The following SLCO6A1 variants were observed in gnomAD, a reference collection of about 807,000 sequenced individuals.
SLCO6A1 encodes solute carrier organic anion transporter family member 6A1.
In SLCO6A1, 65 loss-of-function variants were observed where a neutral mutation model predicts 72.7. The ratio of observed to expected loss-of-function variants is 0.89; its 90% confidence interval spans 0.73 to 1.10. SLCO6A1 has a LOEUF of 1.10. SLCO6A1 is among the 50% of genes least tolerant of loss of function. The probability of loss-of-function intolerance (pLI) is 0.00; values close to 1 mark genes in which losing one functional copy is unlikely to be tolerated. For synonymous variants in SLCO6A1, 314 were observed against 298.2 expected, an observed-to-expected ratio of 1.05 and a Z score of -0.55; for missense variants, 874 against 872.6, an observed-to-expected ratio of 1.00 and a Z score of -0.02.
Position 102,498,703 on chromosome 5 carries a change from G to T in SLCO6A1, c.142C>A (p.His48Asn). ...TPKSSKPGKKHRYLRLLPEAL... is the reference protein window; with the variant it reads ...TPKSSKPGKKNRYLRLLPEAL... ...TCTGGAAGTAGTCTCAGATACCGGT[G>T]TTTTTTCCCGGGCTTCGAGGACTTC... is the stretch of plus-strand genomic sequence containing the variant. Residue 48 changes from histidine to asparagine, a missense_variant, in exon 1 of 14, where the codon CAC becomes AAC. By Grantham distance (68) the His-to-Asn change is moderately conservative. Transcript: ENST00000506729. 6.2e-7 allele frequency: 1 copy of T among 1,614,152 alleles called. No individual in the cohort carries two copies. The highest frequency in any genetic ancestry group is 8.5e-7 in the Non-Finnish European group (1 of 1,180,032).
intron 4 of SLCO6A1, among the ~76,000 whole-genome samples, chr5:102,466,389 G>T (rs1051602667): frequency 2.6e-5 from 4 of 151,938 alleles, no homozygotes; most frequent in Non-Finnish European, 4.4e-5. Context: ...GTATTCCCTG[G>T]TGTATATTTA....
intron 10 of SLCO6A1, among the ~76,000 whole-genome samples, chr5:102,394,057 A>G (rs551385905): frequency 4.6e-5 from 7 of 152,274 alleles, no homozygotes; most frequent in Non-Finnish European, 8.8e-5. Context: ...GCGTGCATCA[A>G]GAATTTGGCA....
chr5:102,450,694 C>T (rs1324188171), intron 6 of SLCO6A1, among the ~76,000 whole-genome samples: 1 of 152,138 alleles, frequency 6.6e-6, no homozygotes, highest in African/African-American at 2.4e-5. Flanking sequence ...TGGCAGAGGG[C>T]CTTTCACTAA....
At chr5:102,436,776 AACT>A (rs922124800) in intron 7 of SLCO6A1, among the ~76,000 whole-genome samples, 2 of 152,190 alleles carry the variant, frequency 1.3e-5, no homozygotes, top group African/African-American at 2.4e-5. Context: ...TTTGAAAAGC[AACT>A]ACTAGCTTAC....
chr5:102,445,851 T>C (rs1036684385), intron 6 of SLCO6A1, among the ~76,000 whole-genome samples: 1 of 152,144 alleles, frequency 6.6e-6, no homozygotes, highest in Non-Finnish European at 1.5e-5. Context: ...TTGTTTTTGG[T>C]GGCTTTGTTG....
At chr5:102,435,526 G>A (rs1462326097) in intron 7 of SLCO6A1, among the ~76,000 whole-genome samples, 1 of 152,130 alleles carries the variant, frequency 6.6e-6, no homozygotes, top group Non-Finnish European at 1.5e-5. Context: ...ATATAAGGTA[G>A]CAGGGGTACT....
chr5:102,448,751 C>A (rs1750254197), intron 6 of SLCO6A1, among the ~76,000 whole-genome samples: 1 of 152,066 alleles, frequency 6.6e-6, no homozygotes, highest in African/African-American at 2.4e-5. Flanking sequence ...TTACTTTAAG[C>A]CTATGGGTGT....
chr5:102,457,025 G>T (rs967241303), intron 6 of SLCO6A1, among the ~76,000 whole-genome samples: 4 of 152,150 alleles, frequency 2.6e-5, no homozygotes, highest in African/African-American at 9.7e-5. Context: ...TTAATAAATG[G>T]TGCTGGGAAA....
At chr5:102,384,650 C>G (rs766201473) in intron 12 of SLCO6A1, among the ~76,000 whole-genome samples, 2 of 152,038 alleles carry the variant, frequency 1.3e-5, no homozygotes, top group Non-Finnish European at 2.9e-5. Context: ...TCTCTTCATC[C>G]CACATTTACT....
At chr5:102,405,607 C>G (rs1747628045) in intron 9 of SLCO6A1, among the ~76,000 whole-genome samples, 1 of 151,794 alleles carries the variant, frequency 6.6e-6, no homozygotes, top group South Asian at 2.1e-4. Flanking sequence ...GAAGGCAAGA[C>G]AAAGATATTT....
At chr5:102,394,048 C>T (rs1034127454) in intron 10 of SLCO6A1, among the ~76,000 whole-genome samples, 3 of 152,144 alleles carry the variant, frequency 2.0e-5, no homozygotes, top group Non-Finnish European at 2.9e-5. Flanking sequence ...CAGCATCTAG[C>T]GTGCATCAAG....
At chr5:102,374,002 TTTAA>T (rs1012403970) in intron 12 of SLCO6A1, among the ~76,000 whole-genome samples, 3 of 151,886 alleles carry the variant, frequency 2.0e-5, no homozygotes, top group Non-Finnish European at 4.4e-5. Context: ...GGATGCAATA[TTTAA>T]TTAATTCTTT....
At chr5:102,380,885 A>T (rs1746065973) in intron 12 of SLCO6A1, among the ~76,000 whole-genome samples, 1 of 151,946 alleles carries the variant, frequency 6.6e-6, no homozygotes, top group Admixed American at 6.6e-5. Context: ...TCACCTGAGT[A>T]CTTTATTTAG....
intron 6 of SLCO6A1, among the ~76,000 whole-genome samples, chr5:102,443,002 T>C (rs760655722): frequency 6.6e-6 from 1 of 152,044 alleles, no homozygotes; most frequent in Non-Finnish European, 1.5e-5. Context: ...TCAAGACCAT[T>C]CTGGCTAACA....
In SLCO6A1 at chr5:102,463,309, T is replaced by C. The variant is rs546332620; in HGVS notation, c.900-3532A>G. ...GGATGTGGTGAGAAGGGAATACTTTTACACTGCTGGTGGAAATGTAAACTA... is the reference window on the plus strand; with the variant it reads ...GGATGTGGTGAGAAGGGAATACTTTCACACTGCTGGTGGAAATGTAAACTA... On this transcript the variant is annotated intron_variant, in intron 4 of 13. Coordinates refer to ENST00000506729, the MANE Select transcript of SLCO6A1 (RefSeq NM_173488.5). 1.8e-4 allele frequency among the ~76,000 whole-genome samples: 28 copies of C among 152,312 alleles called. No individual in the cohort carries two copies. The South Asian group carries it at 5.4e-3, about 29-fold the overall frequency.
At chr5:102,373,179 T>A (rs1335096421) in intron 13 of SLCO6A1, among the ~76,000 whole-genome samples, 158 bp downstream of exon 13, 1 of 151,778 alleles carries the variant, frequency 6.6e-6, no homozygotes, top group African/African-American at 2.4e-5. Context: ...TTTAAAAATT[T>A]TAAACACAGA....
At chr5:102,457,923 T>TA (rs1244995389) in intron 6 of SLCO6A1, among the ~76,000 whole-genome samples, 1 of 152,078 alleles carries the variant, frequency 6.6e-6, no homozygotes, top group Non-Finnish European at 1.5e-5. Flanking sequence ...TATGCAGCCA[T>TA]AAAAATGATG....
chr5:102,447,370 G>A (rs1437691870), intron 6 of SLCO6A1, among the ~76,000 whole-genome samples: 5 of 152,112 alleles, frequency 3.3e-5, no homozygotes, highest in Non-Finnish European at 5.9e-5. Flanking sequence ...TCAGAATGAC[G>A]TTGGCCTCAT....
chr5:102,377,602 CA>C (rs1561409931), intron 12 of SLCO6A1, among the ~76,000 whole-genome samples: 1 of 151,372 alleles, frequency 6.6e-6, no homozygotes, highest in Non-Finnish European at 1.5e-5. Context: ...AATTACACCT[CA>C]GTTTTTTTTA....
Sources: allele counts gnomAD v4.1 joint callset (sites outside exome capture counted in the v4.1 genomes callset), GRCh38; gene constraint gnomAD v4.1.1; transcripts MANE v1.5; gene names NCBI Gene and HGNC (gene_info 2026-07-23, HGNC 2026-07-21).